Variants in GALK2 observed in about 807,000 individuals in gnomAD.
The protein encoded by GALK2 is N-acetylgalactosamine kinase.
GALK2 carries 36 observed loss-of-function variants against 52.4 expected under a neutral mutation model. The ratio of observed to expected loss-of-function variants is 0.69; its 90% CI spans 0.53 to 0.91. The LOEUF (loss-of-function observed/expected upper bound fraction) is 0.91. GALK2 is among the 40% of genes least tolerant of loss of function. GALK2 has a pLI of 0.00. For synonymous variants in GALK2, 176 were observed against 199.1 expected (o/e 0.88, Z 0.98); for missense variants, 579 against 559.1 (o/e 1.04, Z -0.36).
At chr15:49,189,251 C>T (rs144578475) in intron 1 of GALK2, among the ~76,000 whole-genome samples, 38 of 152,208 alleles carry the variant, frequency 2.5e-4, no homozygotes, top group Non-Finnish European at 4.6e-4. Flanking sequence ...TACTTGAATG[C>T]GTATTTCCTA....
intron 8 of GALK2, among the ~76,000 whole-genome samples, chr15:49,312,716 T>G (rs1406113434): frequency 1.3e-5 from 2 of 152,224 alleles, no homozygotes; most frequent in African/African-American, 4.8e-5. Flanking sequence ...AGGTACATAG[T>G]GGACCCTCAA....
chr15:49,313,870 A>G (rs2141923543), intron 8 of GALK2, among the ~76,000 whole-genome samples: 1 of 152,096 alleles, frequency 6.6e-6, no homozygotes, highest in Non-Finnish European at 1.5e-5. Context: ...CAGATGACTC[A>G]GTGCTTTTGG....
intron 8 of GALK2, among the ~76,000 whole-genome samples, chr15:49,307,883 G>C (rs1404537836): frequency 3.3e-5 from 5 of 151,998 alleles, no homozygotes; most frequent in African/African-American, 1.2e-4. Context: ...TTTCATCAGC[G>C]AGTTTGCTTT....
chr15:49,164,413 T>C (rs914527102), intron 1 of GALK2, among the ~76,000 whole-genome samples: 42 of 151,702 alleles, frequency 2.8e-4, no homozygotes, highest in African/African-American at 9.9e-4. Flanking sequence ...CAACATTGGA[T>C]GGTTATGACA....
chr15:49,222,935 C>T (rs76344039), intron 3 of GALK2, among the ~76,000 whole-genome samples: 9,184 of 152,192 alleles, frequency 0.06, 550 homozygotes, highest in African/African-American at 0.15. Context: ...CTCTTCAATT[C>T]ATTGGAATTG....
At chr15:49,276,419 G>A (rs1871774814) in intron 5 of GALK2, among the ~76,000 whole-genome samples, 2 of 152,128 alleles carry the variant, frequency 1.3e-5, no homozygotes, top group Non-Finnish European at 2.9e-5. Context: ...AATTCATTTT[G>A]ATCTATCCAT....
At chr15:49,199,690 TA>T (rs2087564861) in intron 1 of GALK2, among the ~76,000 whole-genome samples, 1 of 152,130 alleles carries the variant, frequency 6.6e-6, no homozygotes, top group Non-Finnish European at 1.5e-5. Flanking sequence ...CACAGAAACG[TA>T]ATCAGTTAGT....
At chr15:49,336,182 G>A (rs1437701162), downstream of GALK2, among the ~76,000 whole-genome samples, 1 of 152,230 alleles carries the variant, frequency 6.6e-6, no homozygotes, top group Non-Finnish European at 1.5e-5. Flanking sequence ...GGCAGCATGC[G>A]TGGCTGCCTC....
chr15:49,278,007 A>C (rs879014583), intron 5 of GALK2, among the ~76,000 whole-genome samples: 1 of 150,422 alleles, frequency 6.6e-6, no homozygotes, highest in Admixed American at 6.6e-5. Flanking sequence ...TCACGCCTGT[A>C]ATCCCAGCAC....
chr15:49,319,549 C>A, intron 8 of GALK2, 55 bp from the exon 9 acceptor site: 1 of 1,465,056 alleles, frequency 6.8e-7, no homozygotes, highest in Non-Finnish European at 9.5e-7. Flanking sequence ...TTTCTTTATA[C>A]TGGGTTGTCC....
At chr15:49,252,580 C>T (rs1031700665) in intron 5 of GALK2, among the ~76,000 whole-genome samples, 10 of 152,098 alleles carry the variant, frequency 6.6e-5, no homozygotes, top group South Asian at 6.2e-4. Flanking sequence ...TTAACTAGAC[C>T]TCTATGATGG....
At chr15:49,155,910 C>G in exon 1 of GALK2, 10 of 1,454,066 alleles carry the variant, frequency 6.9e-6, no homozygotes, top group East Asian at 2.3e-5. Context: ...CAGTCTCCTC[C>G]CTTGCTTGGG....
intron 3 of GALK2, among the ~76,000 whole-genome samples, chr15:49,350,686 G>A (rs1321527288): frequency 5.9e-5 from 9 of 152,102 alleles, no homozygotes; most frequent in Non-Finnish European, 1.2e-4. Context: ...TCTAATTTTT[G>A]ACCTTGGTGG....
chr15:49,157,257 AG>A (rs1173002736), intron 1 of GALK2, among the ~76,000 whole-genome samples: 2 of 152,192 alleles, frequency 1.3e-5, no homozygotes, highest in African/African-American at 2.4e-5. Flanking sequence ...TGAAAGTAAA[AG>A]CTTTCCTGAC....
At chr15:49,243,688 A>T (rs947917911) in intron 5 of GALK2, among the ~76,000 whole-genome samples, 2 of 152,206 alleles carry the variant, frequency 1.3e-5, no homozygotes, top group Non-Finnish European at 2.9e-5. Context: ...GAGCAGAAGA[A>T]TCAAAGACAT....
At chr15:49,222,726 A>G (rs75247132) in intron 3 of GALK2, among the ~76,000 whole-genome samples, 4,733 of 152,298 alleles carry the variant, frequency 0.031, 144 homozygotes, top group African/African-American at 0.071. Flanking sequence ...CAATCCTTGC[A>G]TCCCTGGGAT....
At chr15:49,182,818 C>T (rs2086073325) in intron 1 of GALK2, among the ~76,000 whole-genome samples, 1 of 152,088 alleles carries the variant, frequency 6.6e-6, no homozygotes, top group South Asian at 2.1e-4. Context: ...ATCTTTTGCC[C>T]ATTTTTGAAT....
At chr15:49,231,708 A>G (rs143800842) in intron 3 of GALK2, among the ~76,000 whole-genome samples, 5 of 152,352 alleles carry the variant, frequency 3.3e-5, no homozygotes, top group African/African-American at 1.2e-4. Context: ...AATTAGCCAA[A>G]AGAAAGGGGC....
Position 49,260,781 on chromosome 15 carries a change from A to C in GALK2, c.505-21206A>C, listed in dbSNP as rs902306825. The stretch of plus-strand genomic sequence containing the variant: ...AAGGGATCGAGTTTCAGCTTTCTAC[A>C]TATGGCTAGCCAGTTTTCCCAGCAC... On this transcript the variant is annotated intron_variant, in intron 5 of 9. Transcript: ENST00000560031. 3.3e-5 allele frequency among the ~76,000 whole-genome samples: 5 copies of C among 152,300 alleles called. No homozygotes were observed. The East Asian group carries it at 9.6e-4, about 29-fold the overall frequency.
Sources: gnomAD v4.1 joint callset for allele counts (sites outside exome capture counted in the v4.1 genomes callset) on GRCh38, gnomAD v4.1.1 for gene constraint, MANE v1.5 for transcripts, NCBI Gene and HGNC (gene_info 2026-07-23, HGNC 2026-07-21) for gene names.